PTBP3: variants seen among roughly 807,000 people sequenced by gnomAD.
The protein encoded by PTBP3 is polypyrimidine tract binding protein 3.
PTBP3 carries 20 observed loss-of-function variants against 58.7 expected under a neutral mutation model. The observed-to-expected ratio is 0.34, with a 90% CI of 0.24 to 0.50. The LOEUF is 0.50. Among genes scored for constraint, PTBP3 ranks in the 20% least tolerant of loss-of-function variants. PTBP3 has a pLI of 0.98. For missense variants in PTBP3, 509 were observed against 637.2 expected (o/e 0.80, Z 2.17); for synonymous variants, 185 against 219.8 (o/e 0.84, Z 1.40).
chr9:112,231,301 T>C, intron 10 of PTBP3, 79 bp downstream of exon 10: 1 of 1,196,716 alleles, frequency 8.4e-7, no homozygotes, highest in East Asian at 2.5e-5. Flanking sequence ...ACAGAAGTAA[T>C]CAATACATAT....
intron 2 of PTBP3, among the ~76,000 whole-genome samples, chr9:112,296,370 A>T (rs886231630): frequency 6.6e-6 from 1 of 152,028 alleles, no homozygotes; most frequent in African/African-American, 2.4e-5. Context: ...TTTCATTTTT[A>T]AAAAGAATTA....
At chr9:112,266,122 C>A (rs1836789798) in intron 4 of PTBP3, among the ~76,000 whole-genome samples, 1 of 152,004 alleles carries the variant, frequency 6.6e-6, no homozygotes, top group African/African-American at 2.4e-5. Flanking sequence ...TAGGGAGTTA[C>A]TGTATAATGG....
chr9:112,361,123 G>C, the PTBP3 span, among the ~76,000 whole-genome samples: 3 of 152,018 alleles, frequency 2.0e-5, no homozygotes, highest in Non-Finnish European at 4.4e-5. Context: ...TTGAGACAGA[G>C]TCTCACTCTG....
At chr9:112,349,404 A>T in the PTBP3 span, among the ~76,000 whole-genome samples, 1 of 152,174 alleles carries the variant, frequency 6.6e-6, no homozygotes, top group Non-Finnish European at 1.5e-5. Context: ...TCTGTGAGCC[A>T]TTCCAGCAAA....
chr9:112,272,758 G>C (rs1827444263), intron 3 of PTBP3: 1 of 152,106 alleles, frequency 6.6e-6, no homozygotes, highest in African/African-American at 2.4e-5. Flanking sequence ...GTGGATACCA[G>C]ATCGGCTTAG....
chr9:112,356,332 C>T, the PTBP3 span, among the ~76,000 whole-genome samples: 6 of 152,194 alleles, frequency 3.9e-5, no homozygotes, highest in South Asian at 2.1e-4. Flanking sequence ...CTTCCACATA[C>T]GTCTCATAAG....
chr9:112,260,288 C>T (rs1182183300), intron 5 of PTBP3, among the ~76,000 whole-genome samples: 1 of 152,040 alleles, frequency 6.6e-6, no homozygotes, highest in African/African-American at 2.4e-5. Flanking sequence ...ATAATCCTCG[C>T]AATAAAAAAT....
chr9:112,292,706 A>G (rs1828493112), intron 2 of PTBP3, among the ~76,000 whole-genome samples: 1 of 152,214 alleles, frequency 6.6e-6, no homozygotes, highest in Non-Finnish European at 1.5e-5. Flanking sequence ...TTCCACTTAT[A>G]TGAGGTATCT....
intron 7 of PTBP3, among the ~76,000 whole-genome samples, chr9:112,237,440 A>C (rs922294031): frequency 1.3e-5 from 2 of 152,234 alleles, no homozygotes; most frequent in Admixed American, 6.5e-5. Flanking sequence ...GAATTAATAC[A>C]TAAGATAACA....
chr9:112,232,333 C>G (rs979324005), intron 8 of PTBP3, 95 bp from the exon 9 acceptor site: 1 of 1,260,942 alleles, frequency 7.9e-7, no homozygotes, highest in African/African-American at 1.5e-5. Flanking sequence ...AGGAAAACTA[C>G]AGAAAGAAAA....
intron 3 of PTBP3, 37 bp from the exon 4 acceptor site, chr9:112,268,232 C>CT: frequency 6.3e-7 from 1 of 1,579,066 alleles, no homozygotes; most frequent in Non-Finnish European, 8.6e-7. Context: ...TAAAGCTCAT[C>CT]TTTTTGAAAG....
chr9:112,361,373 AC>A, the PTBP3 span, among the ~76,000 whole-genome samples: 1 of 152,324 alleles, frequency 6.6e-6, no homozygotes, highest in East Asian at 1.9e-4. Context: ...TGCTGGGATT[AC>A]AGGTGTAAGC....
intron 1 of PTBP3, among the ~76,000 whole-genome samples, chr9:112,312,064 G>A (rs1453134876): frequency 6.6e-6 from 1 of 152,134 alleles, no homozygotes; most frequent in Non-Finnish European, 1.5e-5. Flanking sequence ...AGTAATGAAT[G>A]GGAAATTCTT....
intron 4 of PTBP3, among the ~76,000 whole-genome samples, chr9:112,266,533 T>C (rs948816037): frequency 1.3e-5 from 2 of 152,124 alleles, no homozygotes; most frequent in African/African-American, 2.4e-5. Context: ...GCAATATACA[T>C]TGTATTGGAT....
At chr9:112,356,983 G>A in the PTBP3 span, among the ~76,000 whole-genome samples, 3 of 138,602 alleles carry the variant, frequency 2.2e-5, no homozygotes, top group South Asian at 2.4e-4. Flanking sequence ...AGGTTCAAGC[G>A]ATTCTCCTGC....
intron 1 of PTBP3, among the ~76,000 whole-genome samples, chr9:112,318,520 G>A (rs1246990790): frequency 6.6e-6 from 1 of 152,190 alleles, no homozygotes; most frequent in East Asian, 1.9e-4. Context: ...AGCACTCTGG[G>A]AGGCCAAGGT....
At chr9:112,366,704 G>C in the PTBP3 span, among the ~76,000 whole-genome samples, 2 of 152,182 alleles carry the variant, frequency 1.3e-5, no homozygotes, top group African/African-American at 4.8e-5. Context: ...TGCTAGGGTA[G>C]TGCAGAAGGG....
intron 5 of PTBP3, among the ~76,000 whole-genome samples, chr9:112,261,822 G>T (rs375836132): frequency 6.6e-6 from 1 of 152,078 alleles, no homozygotes; most frequent in African/African-American, 2.4e-5. Context: ...CTTCAATTAC[G>T]CTCTACAATA....
chr9:112,347,692 T>C, the PTBP3 span, among the ~76,000 whole-genome samples: 21 of 152,154 alleles, frequency 1.4e-4, no homozygotes, highest in African/African-American at 5.1e-4. Context: ...CAATATATTG[T>C]GTGTGTATGT....
Sources: allele counts gnomAD v4.1 joint callset (sites outside exome capture counted in the v4.1 genomes callset), GRCh38; gene constraint gnomAD v4.1.1; transcripts MANE v1.5; gene names NCBI Gene and HGNC (gene_info 2026-07-23, HGNC 2026-07-21).